Variants in CUX1 observed in about 807,000 individuals in gnomAD.
CUX1 encodes cut like homeobox 1.
In CUX1, 31 loss-of-function variants were observed where a neutral mutation model predicts 158.8. That is an observed-to-expected ratio of 0.20 (90% confidence interval 0.15 to 0.26). The LOEUF (loss-of-function observed/expected upper bound fraction) is 0.26, where lower values mean the gene tolerates loss of function less well. CUX1 is among the 10% of genes least tolerant of loss of function. The probability of loss-of-function intolerance (pLI) is 1.00; values close to 1 mark genes in which losing one functional copy is unlikely to be tolerated. For missense variants in CUX1, 1,589 were observed against 2,014.6 expected (o/e 0.79, Z 4.04); for synonymous variants, 879 against 862.1 (o/e 1.02, Z -0.34).
At chr7:102,267,294 G>C (rs1790882933) in intron 14 of CUX1, among the ~76,000 whole-genome samples, 1 of 152,160 alleles carries the variant, frequency 6.6e-6, no homozygotes, top group African/African-American at 2.4e-5. Context: ...AGCACTTTGG[G>C]AGGCTGAGGT....
intron 2 of CUX1, among the ~76,000 whole-genome samples, chr7:101,945,212 T>C (rs1263270593): frequency 2.0e-5 from 3 of 152,090 alleles, no homozygotes; most frequent in African/African-American, 7.2e-5. Flanking sequence ...TGAGGGCCTG[T>C]GTGCAGCGGC....
At chr7:102,216,578 A>ACC (rs1797115192) in intron 20 of CUX1, among the ~76,000 whole-genome samples, 1 of 36,360 alleles carries the variant, frequency 2.8e-5, no homozygotes, top group Admixed American at 4.0e-4. Flanking sequence ...CCACACACAC[A>ACC]CTCTCCCACA....
chr7:101,880,766 T>G (rs906398762), intron 1 of CUX1, among the ~76,000 whole-genome samples: 1 of 152,148 alleles, frequency 6.6e-6, no homozygotes, highest in Admixed American at 6.5e-5. Flanking sequence ...AAGACCAGGT[T>G]TTGGAAAGAC....
At chr7:101,922,510 G>A (rs1399983220) in intron 2 of CUX1, among the ~76,000 whole-genome samples, 1 of 152,140 alleles carries the variant, frequency 6.6e-6, no homozygotes, top group Non-Finnish European at 1.5e-5. Flanking sequence ...AGTTTCTGGG[G>A]GGCTCCCAGA....
chr7:102,139,817 ATTT>A (rs3216524), intron 8 of CUX1, among the ~76,000 whole-genome samples: 20 of 147,016 alleles, frequency 1.4e-4, no homozygotes, highest in South Asian at 8.7e-4. Flanking sequence ...ACACCCAGCT[ATTT>A]TTTTTTTTTT....
chr7:101,900,220 G>A (rs1801995361), intron 1 of CUX1, among the ~76,000 whole-genome samples: 1 of 152,140 alleles, frequency 6.6e-6, no homozygotes, highest in Admixed American at 6.5e-5. Flanking sequence ...GGATTGACGC[G>A]GCCCCTTTAA....
intron 2 of CUX1, among the ~76,000 whole-genome samples, chr7:101,939,876 T>G (rs953281261): frequency 6.6e-6 from 1 of 151,400 alleles, no homozygotes; most frequent in Non-Finnish European, 1.5e-5. Context: ...AGGTCAGGAG[T>G]TCAAGACCAG....
At chr7:101,913,327 C>T (rs1803716604) in intron 1 of CUX1, 1 of 1,264,988 alleles carries the variant, frequency 7.9e-7, no homozygotes, top group Non-Finnish European at 1.0e-6. Flanking sequence ...CCCATGCCGA[C>T]CTGCATATGT....
rs556237321 is a variant in CUX1 at position 102,250,062 on chromosome 7, G to GAAAAAAAAAAAAAAAAAAAAAA, written c.*1032_*1033insAAAAAAAAAAAAAAAAAAAAAA. The stretch of plus-strand genomic sequence containing the variant: ...TCAGGACAAAAAAAAGAAAAAAAAA[G>GAAAAAAAAAAAAAAAAAAAAAA]AAAAAAAAAAAAGAAAAGATCCGAA... On this transcript the variant is annotated 3_prime_UTR_variant, in exon 24 of 24. Coordinates refer to ENST00000292535, the MANE Select transcript of CUX1 (RefSeq NM_181552.4). The GAAAAAAAAAAAAAAAAAAAAAA allele has an allele frequency of 1.8e-6, 1 of 551,550 alleles. No individual in the cohort carries two copies. Among genetic ancestry groups the GAAAAAAAAAAAAAAAAAAAAAA allele is most frequent in the Non-Finnish European group, 2.2e-6 (1 of 445,342 alleles). 34.2% of individuals were successfully genotyped at this position (551,550 alleles called of 1,614,324 possible). A position where few individuals can be genotyped will look rare whatever the true frequency, so the allele number is the denominator to read the frequency against.
In CUX1 at chr7:102,091,027, C is replaced by T. The variant is rs552759487; in HGVS notation, c.269-6337C>T. Among the ~76,000 whole-genome samples, 29 of 152,312 alleles carry T rather than the reference C, an allele frequency of 1.9e-4. No individual in the cohort carries two copies. In the South Asian group the frequency reaches 4.6e-3, roughly 24 times the overall value. On this transcript the variant is annotated intron_variant, in intron 4 of 23. Coordinates refer to ENST00000292535, the MANE Select transcript of CUX1 (RefSeq NM_181552.4). Reference sequence around the variant, plus strand: ...GCTCATACTGCAGACCATTACACTACACTCCCTCTTGTGTGATATAAGGCA... The same window carrying T: ...GCTCATACTGCAGACCATTACACTATACTCCCTCTTGTGTGATATAAGGCA...
chr7:102,262,845 C>A (rs1462105059), downstream of CUX1, among the ~76,000 whole-genome samples: 2 of 152,096 alleles, frequency 1.3e-5, no homozygotes, highest in South Asian at 4.1e-4. Flanking sequence ...GAAGGCTGAC[C>A]GTGGGCCGCT....
intron 8 of CUX1, among the ~76,000 whole-genome samples, chr7:102,123,367 T>C (rs1832265327): frequency 6.6e-6 from 1 of 152,016 alleles, no homozygotes; most frequent in African/African-American, 2.4e-5. Flanking sequence ...CCCAGCACTT[T>C]GGGAGGCCGA....
chr7:101,870,297 G>T (rs1046523980), intron 1 of CUX1, among the ~76,000 whole-genome samples: 1 of 151,688 alleles, frequency 6.6e-6, no homozygotes, highest in Admixed American at 6.6e-5. Flanking sequence ...AGGACTACAG[G>T]CTCTTGCACC....
chr7:101,880,000 T>G (rs953340610), intron 1 of CUX1, among the ~76,000 whole-genome samples: 6 of 152,094 alleles, frequency 3.9e-5, no homozygotes, highest in African/African-American at 1.2e-4. Flanking sequence ...TGCTGGGGGC[T>G]GGGGGAGAGG....
chr7:101,967,393 C>T (rs895188083), intron 2 of CUX1, among the ~76,000 whole-genome samples: 11 of 152,148 alleles, frequency 7.2e-5, no homozygotes, highest in African/African-American at 1.7e-4. Flanking sequence ...TCACAGCTTC[C>T]GAAACACCGC....
chr7:102,006,816 C>A (rs545853813), intron 2 of CUX1, among the ~76,000 whole-genome samples: 1 of 152,250 alleles, frequency 6.6e-6, no homozygotes, highest in Non-Finnish European at 1.5e-5. Context: ...ATGCATCAGG[C>A]GTCACTGCCA....
chr7:102,119,286 C>G (rs1333941121), intron 8 of CUX1, among the ~76,000 whole-genome samples: 1 of 87,396 alleles, frequency 1.1e-5, no homozygotes, highest in African/African-American at 6.9e-5. Context: ...GGTACCCATC[C>G]CTCTCCCGTT....
chr7:102,050,116 C>T (rs1271321783), intron 3 of CUX1, among the ~76,000 whole-genome samples: 3 of 152,150 alleles, frequency 2.0e-5, no homozygotes, highest in African/African-American at 4.8e-5. Context: ...CTTAAAGGAG[C>T]GGAGAAAACC....
chr7:101,820,897 TA>T (rs1792397202), intron 1 of CUX1, among the ~76,000 whole-genome samples: 1 of 152,194 alleles, frequency 6.6e-6, no homozygotes, highest in Admixed American at 6.5e-5. Context: ...ACTTTTCACT[TA>T]TAGCCATTCG....
Sources: gnomAD v4.1 joint callset for allele counts (sites outside exome capture counted in the v4.1 genomes callset) on GRCh38, gnomAD v4.1.1 for gene constraint, MANE v1.5 for transcripts, NCBI Gene and HGNC (gene_info 2026-07-23, HGNC 2026-07-21) for gene names.